TRPM3: variants seen among roughly 807,000 people sequenced by gnomAD.
TRPM3 encodes long transient receptor potential channel 3.
TRPM3 carries 77 observed loss-of-function variants against 181.2 expected under a neutral mutation model. The ratio of observed to expected loss-of-function variants is 0.42; its 90% CI spans 0.35 to 0.51. TRPM3 has a LOEUF of 0.51. Among genes scored for constraint, TRPM3 ranks in the 20% least tolerant of loss-of-function variants. The pLI, the probability that TRPM3 is intolerant of heterozygous loss-of-function variation, is 0.01. For synonymous variants in TRPM3, 745 were observed against 796.4 expected (o/e 0.94, Z 1.09); for missense variants, 1,759 against 2,196.7 (o/e 0.80, Z 3.98).
intron 19 of TRPM3, among the ~76,000 whole-genome samples, chr9:70,606,651 G>GTGTGTATATATA (rs145779027): frequency 6.3e-4 from 88 of 140,732 alleles, no homozygotes; most frequent in Admixed American, 1.8e-3. Context: ...GTGTGTGTGT[G>GTGTGTATATATA]TATATATATA....
At chr9:71,032,386 T>C (rs1565026856) in intron 1 of TRPM3, among the ~76,000 whole-genome samples, 1 of 150,752 alleles carries the variant, frequency 6.6e-6, no homozygotes, top group Non-Finnish European at 1.5e-5. Context: ...ATTTCCTGAG[T>C]CCAATTAACC....
intron 1 of TRPM3, among the ~76,000 whole-genome samples, chr9:71,250,593 A>G (rs1251602533): frequency 6.6e-6 from 1 of 152,188 alleles, no homozygotes; most frequent in Admixed American, 6.5e-5. Flanking sequence ...GGGAGACATT[A>G]ATGAGCAAAA....
chr9:71,246,831 A>G (rs1198365967), intron 1 of TRPM3, among the ~76,000 whole-genome samples: 1 of 152,228 alleles, frequency 6.6e-6, no homozygotes, highest in Non-Finnish European at 1.5e-5. Flanking sequence ...AGTTACTACC[A>G]TTTTAGCCTC....
intron 1 of TRPM3, among the ~76,000 whole-genome samples, chr9:71,408,286 C>T (rs781583228): frequency 6.6e-6 from 1 of 152,096 alleles, no homozygotes; most frequent in African/African-American, 2.4e-5. Flanking sequence ...TTCAGAAGAA[C>T]GTTAATAACG....
rs59337823 is a variant in TRPM3 at position 71,243,183 on chromosome 9, A to G, written c.183+203470T>C. 2.1e-4 allele frequency among the ~76,000 whole-genome samples: 32 copies of G among 152,286 alleles called. No individual in the cohort carries two copies. The East Asian group carries it at 5.2e-3, about 25-fold the overall frequency. Reference sequence around the variant, plus strand: ...CAGCCTCCCAAGTAGCCAGGATTACAGGCACCCGCAACTACGCCCAGCTAA... The same window carrying G: ...CAGCCTCCCAAGTAGCCAGGATTACGGGCACCCGCAACTACGCCCAGCTAA... On this transcript the variant is annotated intron_variant, in intron 1 of 24. Coordinates refer to the TRPM3 transcript ENST00000357533.
chr9:70,765,456 T>G (rs2135357351), intron 7 of TRPM3, among the ~76,000 whole-genome samples: 1 of 152,212 alleles, frequency 6.6e-6, no homozygotes, highest in African/African-American at 2.4e-5. Context: ...CCAGGCATGG[T>G]GGCATGTGCC....
intron 8 of TRPM3, among the ~76,000 whole-genome samples, chr9:70,687,966 A>G (rs1453013133): frequency 1.3e-5 from 2 of 152,238 alleles, no homozygotes; most frequent in African/African-American, 4.8e-5. Context: ...AAAAGTAAGT[A>G]AAACATATGA....
chr9:71,111,538 AC>A (rs1373049214), intron 1 of TRPM3, among the ~76,000 whole-genome samples: 2 of 152,160 alleles, frequency 1.3e-5, no homozygotes, highest in Non-Finnish European at 2.9e-5. Flanking sequence ...TAAATGTCTT[AC>A]AAAGCACAGG....
chr9:71,276,148 T>C (rs1238499380), intron 1 of TRPM3, among the ~76,000 whole-genome samples: 1 of 152,156 alleles, frequency 6.6e-6, no homozygotes, highest in Non-Finnish European at 1.5e-5. Flanking sequence ...GCTGAAAGAA[T>C]GAACTTTTAC....
chr9:70,586,581 C>G (rs2057171873), intron 22 of TRPM3, among the ~76,000 whole-genome samples: 1 of 152,208 alleles, frequency 6.6e-6, no homozygotes, highest in African/African-American at 2.4e-5. Flanking sequence ...AAACAAAACC[C>G]TTTCCCAAAA....
intron 1 of TRPM3, among the ~76,000 whole-genome samples, chr9:71,392,458 T>G (rs1259119648): frequency 6.6e-6 from 1 of 152,116 alleles, no homozygotes; most frequent in South Asian, 2.1e-4. Flanking sequence ...ATTGGATAAC[T>G]TGAAGTTCCC....
rs978915244 is a variant in TRPM3 at position 71,121,109 on chromosome 9, A to G, written c.177+69T>C. On this transcript the variant is annotated intron_variant, in intron 1 of 25. Coordinates refer to ENST00000677713, the MANE Select transcript of TRPM3 (RefSeq NM_001366145.2). ...TCCCCCAAAGGTGCGTCCCAGCCCA[A>G]GTCCCCAAGTTGGGTATTTAAATCT... is the stretch of plus-strand genomic sequence containing the variant. 14 of 1,510,914 alleles carry G rather than the reference A, an allele frequency of 9.3e-6. No individual in the cohort carries two copies. In the African/African-American group the frequency reaches 1.8e-4, roughly 19 times the overall value. The allele number at this position is 1,510,914 out of a possible 1,614,324, so 93.6% of individuals were successfully genotyped here. A position where few individuals can be genotyped will look rare whatever the true frequency, so the allele number is the denominator to read the frequency against.
rs200435839 is a variant in TRPM3, at chr9:70,541,509, CTT to C, written c.3708-4106_3708-4105del. Among the ~76,000 whole-genome samples the C allele has an allele frequency of 8.0e-3, 947 of 118,384 alleles. 6 individuals are homozygous for C. The highest frequency in any genetic ancestry group is 0.027 in the East Asian group (108 of 3,964). The allele number at this position is 118,384 out of a possible 152,430, so 77.7% of individuals were successfully genotyped here. ...TCATAACTAGACTGGTTCCTTTAAT[CTT>C]TTTTTTTTTTTTTTTTTGAGATGGA... On this transcript the variant is annotated intron_variant, in intron 25 of 25. Transcript: ENST00000677713.
intron 1 of TRPM3, among the ~76,000 whole-genome samples, chr9:71,350,235 T>G (rs920083799): frequency 2.6e-5 from 4 of 152,108 alleles, no homozygotes; most frequent in African/African-American, 4.8e-5. Flanking sequence ...CTGTTTCAAT[T>G]TAATCTCTTC....
intron 1 of TRPM3, among the ~76,000 whole-genome samples, chr9:71,025,446 A>AATT (rs2097887056): frequency 6.6e-6 from 1 of 152,228 alleles, no homozygotes; most frequent in Non-Finnish European, 1.5e-5. Flanking sequence ...GGAAAGAAGT[A>AATT]ATTTTCTTAA....
intron 1 of TRPM3, among the ~76,000 whole-genome samples, chr9:70,973,637 T>A (rs1353558513): frequency 6.6e-6 from 1 of 152,152 alleles, no homozygotes; most frequent in South Asian, 2.1e-4. Context: ...GTCAGTAGTA[T>A]CAAATCAGCT....
In TRPM3 at chr9:70,535,188, A is replaced by G; in HGVS notation, c.*765T>C. The stretch of plus-strand genomic sequence containing the variant: ...GACTTGAACGCCCACTGTATATAAT[A>G]AATCACTTGACTTTTGTTTTTTTAA... On this transcript the variant is annotated 3_prime_UTR_variant, in exon 26 of 26. Transcript: ENST00000677713. 1 of 541,140 alleles carries G rather than the reference A, an allele frequency of 1.8e-6. No homozygotes were observed. The highest frequency in any genetic ancestry group is 3.2e-6 in the Non-Finnish European group (1 of 309,556). 33.5% of individuals were successfully genotyped at this position (541,140 alleles called of 1,614,324 possible). A position where few individuals can be genotyped will look rare whatever the true frequency, so the allele number is the denominator to read the frequency against.
chr9:71,115,965 G>A (rs1030711419), intron 1 of TRPM3, among the ~76,000 whole-genome samples: 4 of 152,140 alleles, frequency 2.6e-5, no homozygotes, highest in African/African-American at 9.7e-5. Context: ...CTGGGTTTTA[G>A]TTTGGTCCCA....
chr9:70,605,797 T>G (rs2060966798), intron 19 of TRPM3, among the ~76,000 whole-genome samples: 1 of 152,214 alleles, frequency 6.6e-6, no homozygotes, highest in South Asian at 2.1e-4. Context: ...TTCCATCACT[T>G]GTAGGTGAAA....
Sources: gnomAD v4.1 joint callset for allele counts (sites outside exome capture counted in the v4.1 genomes callset) on GRCh38, gnomAD v4.1.1 for gene constraint, MANE v1.5 for transcripts, NCBI Gene and HGNC (gene_info 2026-07-23, HGNC 2026-07-21) for gene names.